The following SYNPR variants were observed in gnomAD, a reference collection of about 807,000 sequenced individuals.
SYNPR encodes the protein synaptoporin.
In SYNPR, 23 loss-of-function variants were observed where a neutral mutation model predicts 32.9. The observed-to-expected ratio is 0.70, with a 90% CI of 0.50 to 0.99. The LOEUF is 0.99. Among genes scored for constraint, SYNPR ranks in the 50% least tolerant of loss-of-function variants. The pLI is 0.00. For missense variants in SYNPR, 318 were observed against 349.3 expected, an observed-to-expected ratio of 0.91 and a Z score of 0.71; for synonymous variants, 146 against 135.9, an observed-to-expected ratio of 1.07 and a Z score of -0.52.
intron 3 of SYNPR, among the ~76,000 whole-genome samples, chr3:63,481,781 GGA>G (rs1309945664): frequency 1.3e-5 from 2 of 152,106 alleles, no homozygotes; most frequent in Admixed American, 6.6e-5. Flanking sequence ...GGCTTCTGGA[GGA>G]GAGTGGCCAA....
Position 63,393,480 on chromosome 3 carries a change from CTTCT to C in SYNPR, c.85-87342_85-87339del, listed in dbSNP as rs140125922. ...CTTCCTTTCTTCCTTTCCTTCCTTCCTTCTTTCTTTCTTCTCTTTTTTTTTTTTT... is the reference window on the plus strand; with the variant it reads ...CTTCCTTTCTTCCTTTCCTTCCTTCCTTCTTTCTTCTCTTTTTTTTTTTTT... On this transcript the variant is annotated intron_variant, in intron 2 of 5. Coordinates refer to ENST00000478300, the MANE Select transcript of SYNPR (RefSeq NM_001130003.2). Among the ~76,000 whole-genome samples, 956 of 136,620 alleles carry C rather than the reference CTTCT, an allele frequency of 7.0e-3. 22 individuals carry two copies. The highest frequency in any genetic ancestry group is 0.021 in the African/African-American group (721 of 34,230). 89.6% of individuals were successfully genotyped at this position (136,620 alleles called of 152,430 possible). A position where few individuals can be genotyped will look rare whatever the true frequency, so the allele number is the denominator to read the frequency against.
intron 4 of SYNPR, among the ~76,000 whole-genome samples, chr3:63,595,735 A>AATTT (rs1250801819): frequency 1.3e-4 from 4 of 30,198 alleles, no homozygotes; most frequent in African/African-American, 1.2e-3. Flanking sequence ...ATATATATAT[A>AATTT]TATATATATA....
chr3:63,297,769 G>A (rs1308349573), intron 2 of SYNPR, among the ~76,000 whole-genome samples: 1 of 152,084 alleles, frequency 6.6e-6, no homozygotes, highest in Non-Finnish European at 1.5e-5. Context: ...CTGATTGGCT[G>A]GAGATGCAAT....
chr3:63,480,386 A>G (rs4688171), intron 2 of SYNPR, among the ~76,000 whole-genome samples: 33,986 of 152,094 alleles, frequency 0.22, 4,098 homozygotes, highest in East Asian at 0.3. Context: ...ATTGATGTAT[A>G]TTATTCCAAA....
intron 2 of SYNPR, among the ~76,000 whole-genome samples, chr3:63,382,726 T>C (rs562265607): frequency 5.3e-5 from 8 of 152,334 alleles, no homozygotes; most frequent in African/African-American, 1.9e-4. Flanking sequence ...ATGTGTGTTT[T>C]ATATATAATT....
chr3:63,345,861 C>T (rs2107009679), intron 2 of SYNPR, among the ~76,000 whole-genome samples: 1 of 152,004 alleles, frequency 6.6e-6, no homozygotes, highest in African/African-American at 2.4e-5. Context: ...GTTGCCCAGA[C>T]TGGAGTGCAG....
At position 63,343,295 on chromosome 3, in the gene SYNPR, G is replaced by T. The variant is rs1396890882; in HGVS notation, c.84+64553G>T. ...TTTTAAGCAGGAAAAATCATGCACA[G>T]ATTTATATTTATAAAAGATCACTGT... On this transcript the variant is annotated intron_variant, in intron 2 of 5. Coordinates refer to ENST00000478300, the MANE Select transcript of SYNPR (RefSeq NM_001130003.2). Among the ~76,000 whole-genome samples the T allele has an allele frequency of 2.0e-5, 3 of 152,186 alleles. No homozygotes were observed. The East Asian group carries it at 5.8e-4, about 29-fold the overall frequency.
chr3:63,398,494 G>A (rs745943733), intron 2 of SYNPR, among the ~76,000 whole-genome samples: 2 of 152,026 alleles, frequency 1.3e-5, no homozygotes, highest in Non-Finnish European at 2.9e-5. Context: ...GCCAAGGCGG[G>A]CAGATCACGA....
intron 3 of SYNPR, among the ~76,000 whole-genome samples, chr3:63,534,917 A>C (rs773582834): frequency 9.9e-5 from 15 of 152,046 alleles, no homozygotes; most frequent in Non-Finnish European, 1.9e-4. Flanking sequence ...CCACCCCCAT[A>C]ACCCCAGCAC....
chr3:63,202,472 T>G, the SYNPR span, among the ~76,000 whole-genome samples: 1 of 152,112 alleles, frequency 6.6e-6, no homozygotes, highest in Non-Finnish European at 1.5e-5. Flanking sequence ...ACTTCACAGA[T>G]TGTCAGCAGT....
intron 2 of SYNPR, among the ~76,000 whole-genome samples, chr3:63,465,049 C>A (rs1170603959): frequency 6.6e-6 from 1 of 152,074 alleles, no homozygotes. Context: ...ATATATTAAA[C>A]ATTAAGTAAT....
At chr3:63,394,498 G>T (rs1160279930) in intron 2 of SYNPR, among the ~76,000 whole-genome samples, 1 of 152,130 alleles carries the variant, frequency 6.6e-6, no homozygotes, top group Non-Finnish European at 1.5e-5. Flanking sequence ...TTAACATTTT[G>T]TATTTGCTTT....
At chr3:63,282,928 A>G (rs1451917262) in intron 2 of SYNPR, among the ~76,000 whole-genome samples, 1 of 152,204 alleles carries the variant, frequency 6.6e-6, no homozygotes, top group Admixed American at 6.5e-5. Flanking sequence ...ATAGTTTTGT[A>G]TGTGAGTGAG....
At chr3:63,470,239 AC>A (rs1700770153) in intron 2 of SYNPR, among the ~76,000 whole-genome samples, 1 of 152,214 alleles carries the variant, frequency 6.6e-6, no homozygotes, top group Non-Finnish European at 1.5e-5. Context: ...ACATGTATTT[AC>A]TTTTTTTGCT....
chr3:63,229,172 T>C (rs182028314), intron 1 of SYNPR, among the ~76,000 whole-genome samples: 8 of 152,332 alleles, frequency 5.3e-5, no homozygotes, highest in Admixed American at 4.6e-4. Context: ...TCCCTAACCT[T>C]CAGTTCCATC....
rs71631152 is a variant in SYNPR, at chr3:63,393,496, C to CTTTTTTTTTTTT, written c.85-87326_85-87315dup. On this transcript the variant is annotated intron_variant, in intron 2 of 5. Transcript: ENST00000478300. ...CCTTCCTTCCTTCTTTCTTTCTTCT[C>CTTTTTTTTTTTT]TTTTTTTTTTTTTTTTTTTTTGACA... Among the ~76,000 whole-genome samples, 29 of 84,504 alleles carry CTTTTTTTTTTTT rather than the reference C, an allele frequency of 3.4e-4. 1 individual carries two copies. Among genetic ancestry groups the CTTTTTTTTTTTT allele is most frequent in the East Asian group, 1.6e-3 (4 of 2,538 alleles). 55.4% of individuals were successfully genotyped at this position (84,504 alleles called of 152,430 possible). A position where few individuals can be genotyped will look rare whatever the true frequency, so the allele number is the denominator to read the frequency against.
At chr3:63,513,074 A>G (rs1190774123) in intron 3 of SYNPR, among the ~76,000 whole-genome samples, 2 of 151,786 alleles carry the variant, frequency 1.3e-5, no homozygotes, top group African/African-American at 4.8e-5. Flanking sequence ...CCAGAATCGT[A>G]TAACTGGCCT....
chr3:63,450,538 A>G (rs1156974404), intron 2 of SYNPR, among the ~76,000 whole-genome samples: 2 of 152,178 alleles, frequency 1.3e-5, no homozygotes, highest in Non-Finnish European at 2.9e-5. Flanking sequence ...ATCTGGCTCA[A>G]ATCAGAAATG....
At chr3:63,248,350 T>C (rs576958416) in intron 1 of SYNPR, among the ~76,000 whole-genome samples, 1 of 152,184 alleles carries the variant, frequency 6.6e-6, no homozygotes, top group South Asian at 2.1e-4. Flanking sequence ...ATGGTAGCAA[T>C]TGTGATGAAG....
Sources: gnomAD v4.1 joint callset for allele counts (sites outside exome capture counted in the v4.1 genomes callset) on GRCh38, gnomAD v4.1.1 for gene constraint, MANE v1.5 for transcripts, NCBI Gene and HGNC (gene_info 2026-07-23, HGNC 2026-07-21) for gene names.